Variants in DYNC2I2 observed in about 807,000 individuals in gnomAD.
DYNC2I2 encodes the protein cytoplasmic dynein 2 intermediate chain 2.
DYNC2I2 carries 39 observed loss-of-function variants against 52.0 expected under a neutral mutation model. That is an observed-to-expected ratio of 0.75 (90% CI 0.58 to 0.98). DYNC2I2 has a LOEUF of 0.98. Ranked by LOEUF, DYNC2I2 falls within the 50% of genes least tolerant of loss-of-function variation. The probability of loss-of-function intolerance (pLI) is 0.00; values close to 1 mark genes in which losing one functional copy is unlikely to be tolerated. For synonymous variants in DYNC2I2, 359 were observed against 321.1 expected, an observed-to-expected ratio of 1.12 and a Z score of -1.26; for missense variants, 743 against 728.4, an observed-to-expected ratio of 1.02 and a Z score of -0.23.
At chr9:128,635,634 C>A in intron 5 of DYNC2I2, 24 bp downstream of exon 5, 1 of 1,575,134 alleles carries the variant, frequency 6.3e-7, no homozygotes, top group East Asian at 2.3e-5. Flanking sequence ...AGGGCCCACC[C>A]CGCCCGGCAG....
At chr9:128,661,645 C>T (rs1208457494), upstream of DYNC2I2, among the ~76,000 whole-genome samples, 3 of 151,854 alleles carry the variant, frequency 2.0e-5, no homozygotes, top group African/African-American at 4.8e-5. Context: ...AAAAATTAGC[C>T]GGGCGTGGTG....
intron 1 of DYNC2I2, among the ~76,000 whole-genome samples, chr9:128,644,747 T>A (rs1003106324): frequency 6.6e-6 from 1 of 152,226 alleles, no homozygotes; most frequent in African/African-American, 2.4e-5. Flanking sequence ...ACGGCGCCCC[T>A]GCACTGCACA....
the DYNC2I2 span, among the ~76,000 whole-genome samples, chr9:128,671,472 T>TC: frequency 8.0e-6 from 1 of 124,476 alleles, no homozygotes; most frequent in East Asian, 2.5e-4. Flanking sequence ...GGCTAATTCT[T>TC]TTTTTTTTTT....
chr9:128,673,471 A>T, the DYNC2I2 span, among the ~76,000 whole-genome samples: 1 of 150,060 alleles, frequency 6.7e-6, no homozygotes, highest in East Asian at 2.0e-4. Flanking sequence ...CCTCCTGAAT[A>T]GTTGGGACCA....
In DYNC2I2 at chr9:128,656,639, G is replaced by A. The variant is rs1860833021; in HGVS notation, c.88C>T (p.Pro30Ser). Residue 30 changes from proline to serine, a missense_variant, in exon 1 of 9, where the codon CCG becomes TCG. By Grantham distance (74) the Pro-to-Ser change is moderately conservative (BLOSUM62 -1). Coordinates refer to ENST00000372715, the MANE Select transcript of DYNC2I2 (RefSeq NM_052844.4). ...AGCGGCCCTGGCCGCCCCGGCCCCGGGCCGCTCGCAACCCCGACTGTCGCC... is the reference window on the plus strand; with the variant it reads ...AGCGGCCCTGGCCGCCCCGGCCCCGAGCCGCTCGCAACCCCGACTGTCGCC... Reference protein sequence around the residue: ...ALATVGVASGPGPGRPGPLQD... With the variant: ...ALATVGVASGSGPGRPGPLQD... 2 of 1,503,152 alleles carry A rather than the reference G, an allele frequency of 1.3e-6. No individual in the cohort carries two copies. The highest frequency in any genetic ancestry group is 1.8e-6 in the Non-Finnish European group (2 of 1,133,982). 93.1% of individuals were successfully genotyped at this position (1,503,152 alleles called of 1,614,324 possible). A position where few individuals can be genotyped will look rare whatever the true frequency, so the allele number is the denominator to read the frequency against.
chr9:128,656,699 G>A lies in DYNC2I2; in HGVS notation c.28C>T (p.Leu10Phe), dbSNP rs781641385. MATRAQPGP[L>F]SQAGSAGVAA... ...ACACCAGCGCTTCCCGCCTGGCTGA[G>A]TGGCCCCGGCTGCGCGCGGGTTGCC... Residue 10 changes from leucine (L) to phenylalanine (F), a missense_variant, in exon 1 of 9, where the codon CTC becomes TTC. Coordinates refer to ENST00000372715, the MANE Select transcript of DYNC2I2 (RefSeq NM_052844.4). 3 of 1,469,916 alleles carry A rather than the reference G, an allele frequency of 2.0e-6. No homozygotes were observed. Among genetic ancestry groups the A allele is most frequent in the South Asian group, 1.4e-5 (1 of 72,342 alleles). The allele number at this position is 1,469,916 out of a possible 1,614,324, so 91.1% of individuals were successfully genotyped here.
intron 1 of DYNC2I2, among the ~76,000 whole-genome samples, chr9:128,654,809 T>C (rs1860784698): frequency 6.6e-6 from 1 of 152,182 alleles, no homozygotes; most frequent in Admixed American, 6.6e-5. Context: ...TTTGCTAAAA[T>C]GTCACCCTCA....
chr9:128,660,363 G>C (rs1288527816), upstream of DYNC2I2, among the ~76,000 whole-genome samples: 1 of 151,752 alleles, frequency 6.6e-6, no homozygotes, highest in East Asian at 1.9e-4. Context: ...GCCCACCTCG[G>C]CCTCCCAAAG....
chr9:128,660,897 T>TAGA (rs1172773915), upstream of DYNC2I2, among the ~76,000 whole-genome samples: 1 of 150,176 alleles, frequency 6.7e-6, no homozygotes, highest in Non-Finnish European at 1.5e-5. Flanking sequence ...ACCCGGCTAA[T>TAGA]TTTTGTATTT....
the DYNC2I2 span, chr9:128,683,558 G>A: frequency 1.1e-5 from 3 of 273,596 alleles, no homozygotes; most frequent in Admixed American, 1.0e-4. Context: ...ACGAACTGGG[G>A]GATAGGCTGC....
In DYNC2I2 at chr9:128,633,866, G is replaced by C; in HGVS notation, c.1489C>G (p.Leu497Val). 6.2e-7 allele frequency: 1 copy of C among 1,613,580 alleles called. No individual in the cohort carries two copies. Among genetic ancestry groups the C allele is most frequent in the Non-Finnish European group, 8.5e-7 (1 of 1,180,054 alleles). The change falls in exon 9 of 9, where the codon CTC becomes GTC. Residue 497 changes from leucine to valine, a missense_variant. By Grantham distance (32) the Leu-to-Val change is conservative. Coordinates refer to ENST00000372715, the MANE Select transcript of DYNC2I2 (RefSeq NM_052844.4). ...CCCTGGGCATCGCCCGCAGCCAAGA[G>C]CTGAGTCTGCTGGCTGTTGAACTCC... is the stretch of plus-strand genomic sequence containing the variant. Reference protein sequence around the residue: ...CLEFNSQQTQLLAAGDAQGTV... With the variant: ...CLEFNSQQTQVLAAGDAQGTV...
chr9:128,656,820 G>A lies in DYNC2I2; in HGVS notation c.-94C>T, dbSNP rs914320010. ...GAAAACGGGGAATGTGAGGCTGACG[G>A]CGCCATGTTTGAATTGGTCGCAGCG... On this transcript the variant is annotated 5_prime_UTR_variant, in exon 1 of 9. Transcript: ENST00000372715. 8.8e-6 allele frequency: 11 copies of A among 1,255,206 alleles called. No homozygotes were observed. Among genetic ancestry groups the A allele is most frequent in the Non-Finnish European group, 1.1e-5 (11 of 977,628 alleles). The allele number at this position is 1,255,206 out of a possible 1,614,324, so 77.8% of individuals were successfully genotyped here.
At chr9:128,641,011 C>T in intron 1 of DYNC2I2, 72 bp from the exon 2 acceptor site, 3 of 1,494,186 alleles carry the variant, frequency 2.0e-6, no homozygotes, top group Non-Finnish European at 2.7e-6. Context: ...CCCCTGCCTG[C>T]CCCTCCTGCT....
intron 1 of DYNC2I2, among the ~76,000 whole-genome samples, chr9:128,649,373 G>A (rs966832809): frequency 6.6e-6 from 1 of 152,108 alleles, no homozygotes; most frequent in African/African-American, 2.4e-5. Flanking sequence ...AAGCTCAAGA[G>A]TTTGAGGCTG....
chr9:128,660,881 C>G (rs1003069375), upstream of DYNC2I2, among the ~76,000 whole-genome samples: 6 of 151,422 alleles, frequency 4.0e-5, no homozygotes, highest in African/African-American at 1.5e-4. Flanking sequence ...AGGCATGCAC[C>G]ACCACACCCG....
chr9:128,657,116 T>C (rs1860847172), upstream of DYNC2I2, among the ~76,000 whole-genome samples: 1 of 152,236 alleles, frequency 6.6e-6, no homozygotes, highest in African/African-American at 2.4e-5. Flanking sequence ...GCTGAGCAGC[T>C]GATTCTTCCA....
At chr9:128,659,808 T>C (rs1029875468), upstream of DYNC2I2, among the ~76,000 whole-genome samples, 3 of 151,550 alleles carry the variant, frequency 2.0e-5, no homozygotes, top group Non-Finnish European at 4.4e-5. Flanking sequence ...CTCCGGAGGC[T>C]GAGGCAGGAG....
At chr9:128,681,397 T>G in the DYNC2I2 span, among the ~76,000 whole-genome samples, 5 of 152,234 alleles carry the variant, frequency 3.3e-5, no homozygotes, top group African/African-American at 9.6e-5. Flanking sequence ...GGCCCATTTA[T>G]TTTCATTGCT....
At position 128,633,898 on chromosome 9, in the gene DYNC2I2, TAGAC is replaced by T; in HGVS notation, c.1453_1456del (p.Val485ThrfsTer22). The T allele has an allele frequency of 6.2e-7, 1 of 1,613,368 alleles. No individual in the cohort carries two copies. The highest frequency in any genetic ancestry group is 8.5e-7 in the Non-Finnish European group (1 of 1,180,036). On this transcript the variant is annotated frameshift_variant, in exon 9 of 9. Transcript: ENST00000372715. LOFTEE classifies it high-confidence loss of function. ...CTGCTGGCTGTTGAACTCCAGACAG[TAGAC>T]AGGGCTTTCATCCTGGGTTTGCTTG...
Sources: allele counts gnomAD v4.1 joint callset (sites outside exome capture counted in the v4.1 genomes callset), GRCh38; gene constraint gnomAD v4.1.1; transcripts MANE v1.5; gene names NCBI Gene and HGNC (gene_info 2026-07-23, HGNC 2026-07-21).